The following ZNF609 variants were observed in gnomAD, a reference collection of about 807,000 sequenced individuals.
The protein encoded by ZNF609 is zinc finger protein 609.
A neutral mutation model predicts 109.5 loss-of-function variants in ZNF609; 11 were observed. That is an observed-to-expected ratio of 0.10 (90% CI 0.06 to 0.17). The LOEUF is 0.17. ZNF609 is among the 10% of genes least tolerant of loss of function. The pLI is 1.00. For synonymous variants in ZNF609, 646 were observed against 662.0 expected (o/e 0.98, Z 0.37); for missense variants, 1,559 against 1,772.4 (o/e 0.88, Z 2.16).
chr15:64,539,360 A>G (rs1040616051), intron 2 of ZNF609, among the ~76,000 whole-genome samples: 33 of 151,820 alleles, frequency 2.2e-4, no homozygotes, highest in African/African-American at 7.7e-4. Context: ...GGCACCCGCC[A>G]CCACGCCCGG....
intron 2 of ZNF609, among the ~76,000 whole-genome samples, chr15:64,578,647 G>T (rs182148507): frequency 2.6e-5 from 4 of 152,148 alleles, no homozygotes; most frequent in Non-Finnish European, 4.4e-5. Flanking sequence ...AGCTGAGATC[G>T]TGCCATTGCA....
intron 2 of ZNF609, among the ~76,000 whole-genome samples, chr15:64,555,145 G>A (rs997731515): frequency 2.0e-5 from 3 of 150,450 alleles, no homozygotes; most frequent in Admixed American, 1.3e-4. Flanking sequence ...TGGGAGGATC[G>A]TTTGAGCCCA....
At chr15:64,507,179 G>A (rs1567000421) in intron 2 of ZNF609, among the ~76,000 whole-genome samples, 2 of 152,122 alleles carry the variant, frequency 1.3e-5, no homozygotes, top group Admixed American at 6.5e-5. Context: ...TGGTTTTGCC[G>A]GAATATGCAA....
At chr15:64,633,657 T>C (rs780453054) in intron 3 of ZNF609, among the ~76,000 whole-genome samples, 11 of 152,086 alleles carry the variant, frequency 7.2e-5, no homozygotes, top group Non-Finnish European at 1.5e-4. Context: ...AGTGGCAGAG[T>C]TGAGAAGCTG....
At chr15:64,490,289 T>TC (rs1893395947) in intron 1 of ZNF609, among the ~76,000 whole-genome samples, 1 of 141,584 alleles carries the variant, frequency 7.1e-6, no homozygotes, top group African/African-American at 2.6e-5. Context: ...TTTTTTTTTT[T>TC]CGAGACGGAG....
chr15:64,495,771 A>T lies in ZNF609; in HGVS notation c.-127-3522A>T, dbSNP rs1893473635. Among the ~76,000 whole-genome samples the T allele has an allele frequency of 2.0e-5, 3 of 149,954 alleles. No individual in the cohort carries two copies. In the South Asian group the frequency reaches 6.3e-4, roughly 31 times the overall value. On this transcript the variant is annotated intron_variant, in intron 1 of 9. Coordinates refer to ENST00000326648, the MANE Select transcript of ZNF609 (RefSeq NM_015042.2). ...TGTATCTTTTTTTTTTTTAGTGTTA[A>T]ATCCTTTTGTCCTTTCAACTAAGTT...
At chr15:64,649,045 A>T (rs1896376553) in intron 3 of ZNF609, among the ~76,000 whole-genome samples, 1 of 152,164 alleles carries the variant, frequency 6.6e-6, no homozygotes, top group Non-Finnish European at 1.5e-5. Flanking sequence ...AGAATTTGAA[A>T]TGACTCCAGC....
intron 3 of ZNF609, among the ~76,000 whole-genome samples, chr15:64,624,761 C>CT (rs11411889): frequency 0.82 from 107,792 of 131,812 alleles, 46,607 homozygotes; most frequent in East Asian, 0.95. Context: ...GTTACGTACA[C>CT]TTTTTTTTTT....
At chr15:64,626,387 G>C (rs750141689) in intron 3 of ZNF609, among the ~76,000 whole-genome samples, 8 of 152,126 alleles carry the variant, frequency 5.3e-5, no homozygotes, top group Non-Finnish European at 8.8e-5. Context: ...AGGATACCGA[G>C]TCAGTCCTCA....
At chr15:64,500,257 C>T in intron 2 of ZNF609, 91 bp downstream of exon 2, 1 of 1,511,064 alleles carries the variant, frequency 6.6e-7, no homozygotes, top group East Asian at 2.4e-5. Flanking sequence ...CTGTGGGAGG[C>T]TCATTAGTGT....
intron 2 of ZNF609, among the ~76,000 whole-genome samples, chr15:64,507,195 C>T (rs901767092): frequency 1.3e-5 from 2 of 152,168 alleles, no homozygotes; most frequent in African/African-American, 4.8e-5. Context: ...TGCAATCTCA[C>T]GGACACTGGA....
At chr15:64,474,720 A>G (rs935350943) in intron 1 of ZNF609, among the ~76,000 whole-genome samples, 4 of 152,212 alleles carry the variant, frequency 2.6e-5, no homozygotes, top group African/African-American at 4.8e-5. Context: ...GAGACAATTA[A>G]TGAATTTATG....
chr15:64,527,626 A>G (rs1893986246), intron 2 of ZNF609, among the ~76,000 whole-genome samples: 1 of 152,144 alleles, frequency 6.6e-6, no homozygotes. Context: ...ACAAAGTTCA[A>G]AGAAAAATCA....
Position 64,585,737 on chromosome 15 carries a change from T to C in ZNF609, c.748-37090T>C, listed in dbSNP as rs1895184260. ...CCAAACTCAGATTCAAGCATGACTTTATTACTTCAGCATTCTGCGTAATAA... is the reference window on the plus strand; with the variant it reads ...CCAAACTCAGATTCAAGCATGACTTCATTACTTCAGCATTCTGCGTAATAA... On this transcript the variant is annotated intron_variant, in intron 2 of 9. Coordinates refer to ENST00000326648, the MANE Select transcript of ZNF609 (RefSeq NM_015042.2). 2.0e-5 allele frequency among the ~76,000 whole-genome samples: 3 copies of C among 152,246 alleles called. No individual in the cohort carries two copies. In the South Asian group the frequency reaches 6.2e-4, roughly 32 times the overall value.
intron 2 of ZNF609, among the ~76,000 whole-genome samples, chr15:64,511,709 A>C (rs1893733596): frequency 6.6e-6 from 1 of 150,758 alleles, no homozygotes; most frequent in Non-Finnish European, 1.5e-5. Context: ...GACTCCAAGC[A>C]TGTAATTTTT....
chr15:64,648,052 T>C (rs1035741816), intron 3 of ZNF609, among the ~76,000 whole-genome samples: 12 of 152,348 alleles, frequency 7.9e-5, no homozygotes, highest in African/African-American at 2.6e-4. Context: ...AAAATAAACC[T>C]ACAGGTGTTG....
At chr15:64,593,466 C>G (rs977699810) in intron 2 of ZNF609, 1 of 633,920 alleles carries the variant, frequency 1.6e-6, no homozygotes, top group African/African-American at 1.8e-5. Flanking sequence ...CAGTGAAATT[C>G]TGATAACCTT....
chr15:64,621,049 C>G (rs141454960), intron 2 of ZNF609, among the ~76,000 whole-genome samples: 1 of 152,304 alleles, frequency 6.6e-6, no homozygotes, highest in African/African-American at 2.4e-5. Context: ...AGGACCTAGA[C>G]TAAGAAGTCC....
At chr15:64,473,531 C>T (rs761518739) in intron 1 of ZNF609, among the ~76,000 whole-genome samples, 11 of 151,754 alleles carry the variant, frequency 7.2e-5, no homozygotes, top group Non-Finnish European at 1.5e-4. Flanking sequence ...CTCACCACCT[C>T]ATCTGAATCA....
Sources: gnomAD v4.1 joint callset for allele counts (sites outside exome capture counted in the v4.1 genomes callset) on GRCh38, gnomAD v4.1.1 for gene constraint, MANE v1.5 for transcripts, NCBI Gene and HGNC (gene_info 2026-07-23, HGNC 2026-07-21) for gene names.